MGMT: variants seen among roughly 807,000 people sequenced by gnomAD.
MGMT encodes methylated-DNA--protein-cysteine methyltransferase.
MGMT carries 14 observed loss-of-function variants against 15.9 expected under a neutral mutation model. The ratio of observed to expected loss-of-function variants is 0.88; its 90% confidence interval spans 0.58 to 1.37. MGMT has a LOEUF of 1.37. Among genes scored for constraint, MGMT ranks in the 40% most tolerant of loss-of-function variants. The pLI is 0.00. For synonymous variants in MGMT, 130 were observed against 118.2 expected, an observed-to-expected ratio of 1.10 and a Z score of -0.65; for missense variants, 282 against 268.1, an observed-to-expected ratio of 1.05 and a Z score of -0.36.
chr10:129,483,186 A>G (rs1214298570), intron 1 of MGMT, among the ~76,000 whole-genome samples: 5 of 152,236 alleles, frequency 3.3e-5, no homozygotes, highest in Non-Finnish European at 7.3e-5. Context: ...CACCTTAACA[A>G]AAGTATGCTT....
At chr10:129,472,992 C>T (rs549142549) in intron 1 of MGMT, among the ~76,000 whole-genome samples, 5 of 152,320 alleles carry the variant, frequency 3.3e-5, no homozygotes, top group Admixed American at 3.3e-4. Context: ...TTCAGGTGTG[C>T]CACATCGGCC....
Position 129,536,250 on chromosome 10 carries a change from A to G in MGMT, c.-3A>G, listed in dbSNP as rs1164712824. The G allele has an allele frequency of 6.2e-7, 1 of 1,613,868 alleles. No individual in the cohort carries two copies. The highest frequency in any genetic ancestry group is 1.1e-5 in the South Asian group (1 of 90,988). ...AATTATTTCTGTTTAGGTACTTGGA[A>G]AAATGGACAAGGATTGTGAAATGAA... On this transcript the variant is annotated 5_prime_UTR_variant, in exon 2 of 5. Transcript: ENST00000651593.
intron 3 of MGMT, among the ~76,000 whole-genome samples, chr10:129,725,815 G>A (rs950752365): frequency 1.3e-5 from 2 of 152,170 alleles, no homozygotes; most frequent in African/African-American, 2.4e-5. Context: ...TCGGCTCCAC[G>A]GTCCTCCATG....
At chr10:129,485,225 G>T (rs1845396330) in intron 1 of MGMT, among the ~76,000 whole-genome samples, 1 of 152,158 alleles carries the variant, frequency 6.6e-6, no homozygotes, top group African/African-American at 2.4e-5. Context: ...GAGATGCCTG[G>T]CGTGTTCTCT....
rs539758813 is a variant in MGMT at position 129,769,005 on chromosome 10, C to T, written c.*2008C>T. 138 of 152,582 alleles carry T rather than the reference C, an allele frequency of 9.0e-4. No individual in the cohort carries two copies. The highest frequency in any genetic ancestry group is 3.2e-3 in the African/African-American group (135 of 41,588). 9.5% of individuals were successfully genotyped at this position (152,582 alleles called of 1,614,324 possible). Reference sequence around the variant, plus strand: ...GGTCCTGGGGCCACATGACTGCAGCCAGCGAGGGCCGAGCCCCCAGAATCC... The same window carrying T: ...GGTCCTGGGGCCACATGACTGCAGCTAGCGAGGGCCGAGCCCCCAGAATCC... On this transcript the variant is annotated 3_prime_UTR_variant, in exon 5 of 5. Transcript: ENST00000651593.
chr10:129,657,412 G>T (rs1381842931), intron 2 of MGMT, among the ~76,000 whole-genome samples: 5 of 151,500 alleles, frequency 3.3e-5, no homozygotes, highest in South Asian at 2.1e-4. Context: ...TGGGGGTGGG[G>T]GGGGGAGCAA....
intron 3 of MGMT, among the ~76,000 whole-genome samples, chr10:129,750,526 A>G (rs1848740567): frequency 6.6e-6 from 1 of 152,168 alleles, no homozygotes; most frequent in African/African-American, 2.4e-5. Context: ...CTTTACTGAA[A>G]GCGTACAGAC....
chr10:129,495,768 C>G (rs1458732372), intron 1 of MGMT, among the ~76,000 whole-genome samples: 1 of 152,188 alleles, frequency 6.6e-6, no homozygotes, highest in Non-Finnish European at 1.5e-5. Flanking sequence ...CCATTTTTCT[C>G]AGCAGAGCAT....
Position 129,508,520 on chromosome 10 carries a change from C to CT in MGMT, c.-12-27707dup, listed in dbSNP as rs11311009. Reference sequence around the variant, plus strand: ...CAACAGATTTAATTTTTCTTTCTTTCTTTTTTTTTTTTTTGTTTTTTGTTT... The same window carrying CT: ...CAACAGATTTAATTTTTCTTTCTTTCTTTTTTTTTTTTTTTGTTTTTTGTTT... On this transcript the variant is annotated intron_variant, in intron 1 of 4. Coordinates refer to ENST00000651593, the MANE Select transcript of MGMT (RefSeq NM_002412.5). Among the ~76,000 whole-genome samples, 484 of 141,510 alleles carry CT rather than the reference C, an allele frequency of 3.4e-3. 2 individuals are homozygous for CT. The highest frequency in any genetic ancestry group is 4.6e-3 in the Non-Finnish European group (298 of 65,164). 92.8% of individuals were successfully genotyped at this position (141,510 alleles called of 152,430 possible).
chr10:129,628,053 T>C (rs1225001939), intron 2 of MGMT, among the ~76,000 whole-genome samples: 1 of 152,202 alleles, frequency 6.6e-6, no homozygotes, highest in Non-Finnish European at 1.5e-5. Context: ...TTAGTCCTAT[T>C]AATGAAGAAT....
chr10:129,737,166 TTCCATTC>T (rs1361057879), intron 3 of MGMT, among the ~76,000 whole-genome samples: 1 of 152,230 alleles, frequency 6.6e-6, no homozygotes, highest in Non-Finnish European at 1.5e-5. Flanking sequence ...TCCAACTTGG[TTCCATTC>T]TCCCTGTCAC....
At chr10:129,667,225 C>T (rs555324509) in intron 2 of MGMT, among the ~76,000 whole-genome samples, 18 of 152,268 alleles carry the variant, frequency 1.2e-4, no homozygotes, top group African/African-American at 4.3e-4. Context: ...TGCTGCTGCT[C>T]CCAGAAGTAA....
rs542756086 is a variant in MGMT, at chr10:129,565,907, G to A, written c.125+29530G>A. On this transcript the variant is annotated intron_variant, in intron 2 of 4. Transcript: ENST00000651593. ...CTGGTGCTTTTTTTGCTGGGGCTTG[G>A]ACCGGAGCGTCTTTAGAGTGACCAC... Among the ~76,000 whole-genome samples the A allele has an allele frequency of 5.8e-4, 88 of 152,220 alleles. 2 individuals carry two copies. In the Middle Eastern group the frequency reaches 0.014, roughly 24 times the overall value.
Position 129,566,506 on chromosome 10 carries a change from C to T in MGMT, c.125+30129C>T, listed in dbSNP as rs567126375. Among the ~76,000 whole-genome samples, 4 of 152,262 alleles carry T rather than the reference C, an allele frequency of 2.6e-5. No homozygotes were observed. Among genetic ancestry groups the T allele is most frequent in the African/African-American group, 9.6e-5 (4 of 41,568 alleles). On this transcript the variant is annotated intron_variant, in intron 2 of 4. Transcript: ENST00000651593. The surrounding 1 kb of genome is among the most constrained non-coding windows in gnomAD (Gnocchi z 4.1). ...CCTATCCAGAGCTCATTGTCCTCTC[C>T]CACTTCCTCCCCGAGCTTCCCATTC...
rs182945488 is a variant in MGMT at position 129,469,000 on chromosome 10, T to A, written c.-13+1704T>A. Among the ~76,000 whole-genome samples, 714 of 152,306 alleles carry A rather than the reference T, an allele frequency of 4.7e-3. 5 individuals carry two copies. Among genetic ancestry groups the A allele is most frequent in the Non-Finnish European group, 8.0e-3 (543 of 68,020 alleles). On this transcript the variant is annotated intron_variant, in intron 1 of 4. Coordinates refer to ENST00000651593, the MANE Select transcript of MGMT (RefSeq NM_002412.5). ...AAAGAAATAGAGCCCTAGGTATACA[T>A]TGGGTAGCACCTTGTTCAGCTGCTC...
intron 1 of MGMT, among the ~76,000 whole-genome samples, chr10:129,520,122 C>G (rs1362899658): frequency 2.6e-5 from 4 of 152,178 alleles, no homozygotes; most frequent in African/African-American, 9.7e-5. Context: ...GAGCTCATGA[C>G]GTGTTCATCA....
rs1462768454 is a variant in MGMT, at chr10:129,532,934, C to T, written c.-12-3307C>T. Among the ~76,000 whole-genome samples, 3 of 152,248 alleles carry T rather than the reference C, an allele frequency of 2.0e-5. No individual in the cohort carries two copies. The highest frequency in any genetic ancestry group is 7.2e-5 in the African/African-American group (3 of 41,476). Reference sequence around the variant, plus strand: ...AGGCGCTGATGTGGGCAAACCCTTCCTCTCCCAGGCCGTCCCTTCCTGCAG... The same window carrying T: ...AGGCGCTGATGTGGGCAAACCCTTCTTCTCCCAGGCCGTCCCTTCCTGCAG... On this transcript the variant is annotated intron_variant, in intron 1 of 4. Transcript: ENST00000651593. The surrounding 1 kb of genome is among the most constrained non-coding windows in gnomAD (Gnocchi z 5.3).
chr10:129,517,847 G>T (rs1413701090), intron 1 of MGMT, among the ~76,000 whole-genome samples: 2 of 152,216 alleles, frequency 1.3e-5, no homozygotes, highest in African/African-American at 2.4e-5. Context: ...CGGGACTGCT[G>T]ATTGAATGAA....
intron 2 of MGMT, among the ~76,000 whole-genome samples, chr10:129,602,417 G>A (rs1846834690): frequency 6.6e-6 from 1 of 152,134 alleles, no homozygotes; most frequent in Admixed American, 6.5e-5. Context: ...ACTCAGAGAT[G>A]CGCTTAAAGA....
Sources: gnomAD v4.1 joint callset for allele counts (sites outside exome capture counted in the v4.1 genomes callset) on GRCh38, gnomAD v4.1.1 for gene constraint, Gnocchi (gnomAD v3.1) non-coding constraint, MANE v1.5 for transcripts, NCBI Gene and HGNC (gene_info 2026-07-23, HGNC 2026-07-21) for gene names.